The following FUT8 variants were observed in gnomAD, a reference collection of about 807,000 sequenced individuals.
FUT8 encodes the protein alpha-(1,6)-fucosyltransferase.
A neutral mutation model predicts 71.3 loss-of-function variants in FUT8; 29 were observed. That is an observed-to-expected ratio of 0.41 (90% CI 0.30 to 0.55). The LOEUF (loss-of-function observed/expected upper bound fraction) is 0.55, where lower values mean the gene tolerates loss of function less well. Ranked by LOEUF, FUT8 falls within the 20% of genes least tolerant of loss-of-function variation. The pLI is 0.34. For synonymous variants in FUT8, 254 were observed against 239.3 expected (o/e 1.06, Z -0.57); for missense variants, 544 against 702.1 (o/e 0.77, Z 2.55).
rs1156398128 is a variant in FUT8 at position 65,472,383 on chromosome 14, A to G, written c.-228+16665A>G. ...ACCCCTCCCCACCATGCCCAACAAC[A>G]TCTCCCATTAGGCCCCACCCCCAAC... On this transcript the variant is annotated intron_variant, in intron 2 of 10. Transcript: ENST00000673929. This position sits in a 1 kb window ranked among gnomAD's most constrained non-coding sequence, Gnocchi z 4.4. Among the ~76,000 whole-genome samples, 1 of 151,950 alleles carries G rather than the reference A, an allele frequency of 6.6e-6. No individual in the cohort carries two copies. The highest frequency in any genetic ancestry group is 2.4e-5 in the African/African-American group (1 of 41,342).
intron 7 of FUT8, among the ~76,000 whole-genome samples, chr14:65,693,394 G>A (rs964242364): frequency 6.6e-6 from 1 of 152,198 alleles, no homozygotes; most frequent in Non-Finnish European, 1.5e-5. Context: ...GCAATCGCAG[G>A]CACTCGGCAG....
chr14:65,551,116 A>G (rs564290406), intron 2 of FUT8, among the ~76,000 whole-genome samples: 1 of 150,536 alleles, frequency 6.6e-6, no homozygotes, highest in South Asian at 2.2e-4. Flanking sequence ...TTAAAAGGCA[A>G]CCCTCCTTTG....
the FUT8 span, among the ~76,000 whole-genome samples, chr14:65,374,592 GTTTTTTTTGTTT>G: frequency 6.7e-6 from 1 of 148,948 alleles, no homozygotes; most frequent in Non-Finnish European, 1.5e-5. Context: ...ACGGTGAGTT[GTTTTTTTTGTTT>G]TTTTTTTTTT....
At chr14:65,541,416 C>A (rs1884671744) in intron 2 of FUT8, among the ~76,000 whole-genome samples, 1 of 152,262 alleles carries the variant, frequency 6.6e-6, no homozygotes, top group South Asian at 2.1e-4. Flanking sequence ...ACCAGGGGAA[C>A]CCAAGGTCTA....
chr14:65,378,453 TCTA>T, the FUT8 span, among the ~76,000 whole-genome samples: 1 of 152,146 alleles, frequency 6.6e-6, no homozygotes, highest in Admixed American at 6.6e-5. Flanking sequence ...TTGTTTTGTA[TCTA>T]CCTGCCCAGG....
chr14:65,427,577 T>A (rs184994242), intron 1 of FUT8, among the ~76,000 whole-genome samples: 16 of 152,362 alleles, frequency 1.1e-4, no homozygotes, highest in Admixed American at 2.6e-4. Flanking sequence ...TGTCTTCTTT[T>A]GAGAAATGTC....
chr14:65,646,811 T>C (rs1356950244), intron 6 of FUT8, among the ~76,000 whole-genome samples: 1 of 152,176 alleles, frequency 6.6e-6, no homozygotes, highest in Non-Finnish European at 1.5e-5. Flanking sequence ...TGATAAGTCA[T>C]AAATGCATAC....
At chr14:65,649,263 C>G (rs1256203955) in intron 6 of FUT8, among the ~76,000 whole-genome samples, 2 of 152,172 alleles carry the variant, frequency 1.3e-5, no homozygotes, top group Non-Finnish European at 2.9e-5. Flanking sequence ...ATTTCTCTTT[C>G]TCAGATCTAC....
At chr14:65,675,264 G>A (rs1014435131) in intron 7 of FUT8, among the ~76,000 whole-genome samples, 5 of 152,096 alleles carry the variant, frequency 3.3e-5, no homozygotes, top group African/African-American at 9.7e-5. Flanking sequence ...ATTTATTTTC[G>A]TGTTTATCCT....
At chr14:65,721,037 A>T (rs1342127360) in intron 7 of FUT8, among the ~76,000 whole-genome samples, 1 of 152,106 alleles carries the variant, frequency 6.6e-6, no homozygotes, top group East Asian at 1.9e-4. Context: ...GTAGTAGACA[A>T]TCGAAAACTG....
rs372430087 is a variant in FUT8 at position 65,733,385 on chromosome 14, A to G, written c.1410+4A>G. ...AGTGTGTACTTTTTCATCCCAGGTA[A>G]GTGTCAGTAGGGCATTTTAAAATAA... On this transcript the variant is annotated splice_donor_region_variant and intron_variant, in intron 10 of 10. Transcript: ENST00000673929. The G allele has an allele frequency of 6.4e-7, 1 of 1,574,378 alleles. No homozygotes were observed. The highest frequency in any genetic ancestry group is 1.4e-5 in the African/African-American group (1 of 73,210).
intron 10 of FUT8, 113 bp from the exon 11 acceptor site, chr14:65,741,980 C>T (rs1896525719): frequency 1.3e-6 from 1 of 753,362 alleles, no homozygotes; most frequent in African/African-American, 1.8e-5. Context: ...GACTAGAATC[C>T]ACTACTTTTC....
intron 6 of FUT8, among the ~76,000 whole-genome samples, chr14:65,644,302 T>A (rs1043560015): frequency 6.8e-6 from 1 of 147,710 alleles, no homozygotes; most frequent in Non-Finnish European, 1.5e-5. Context: ...TATATATTTT[T>A]TTTTTTGAGA....
At chr14:65,705,231 C>T (rs1294497189) in intron 7 of FUT8, among the ~76,000 whole-genome samples, 2 of 152,136 alleles carry the variant, frequency 1.3e-5, no homozygotes, top group African/African-American at 4.8e-5. Context: ...GAAGAGATCT[C>T]TACAGGCCAC....
At chr14:65,439,983 T>C (rs994799054) in intron 1 of FUT8, among the ~76,000 whole-genome samples, 1 of 138,662 alleles carries the variant, frequency 7.2e-6, no homozygotes, top group Non-Finnish European at 1.6e-5. Context: ...TATATATATA[T>C]ATATATATGT....
intron 6 of FUT8, among the ~76,000 whole-genome samples, chr14:65,641,936 C>CG (rs57312649): frequency 0.099 from 15,065 of 151,818 alleles, 995 homozygotes; most frequent in East Asian, 0.38. Flanking sequence ...AGTCCTTTGT[C>CG]TGATGTGTGT....
chr14:65,486,579 G>A (rs2066412035), intron 2 of FUT8, among the ~76,000 whole-genome samples: 1 of 152,208 alleles, frequency 6.6e-6, no homozygotes, highest in Non-Finnish European at 1.5e-5. Context: ...AAGATAGAGG[G>A]GGCTCAGAAG....
chr14:65,467,360 C>T lies in FUT8; in HGVS notation c.-228+11642C>T, dbSNP rs181019671. ...TTACTCAGGCTGGAGTGCAGTGGCA[C>T]GATCTTGGCTCACTGCAACCACTGC... On this transcript the variant is annotated intron_variant, in intron 2 of 10. Coordinates refer to ENST00000673929, the MANE Select transcript of FUT8 (RefSeq NM_001371533.1). This position sits in a 1 kb window ranked among gnomAD's most constrained non-coding sequence, Gnocchi z 4.1. Among the ~76,000 whole-genome samples the T allele has an allele frequency of 8.6e-5, 13 of 151,920 alleles. No homozygotes were observed. The highest frequency in any genetic ancestry group is 4.6e-4 in the Admixed American group (7 of 15,242).
intron 2 of FUT8, among the ~76,000 whole-genome samples, chr14:65,502,656 ATAAT>A (rs1380553188): frequency 6.6e-6 from 1 of 152,234 alleles, no homozygotes; most frequent in Non-Finnish European, 1.5e-5. Flanking sequence ...TGTAAAATAA[ATAAT>A]GGTAAAAGTA....
Sources: gnomAD v4.1 joint callset for allele counts (sites outside exome capture counted in the v4.1 genomes callset) on GRCh38, gnomAD v4.1.1 for gene constraint, Gnocchi (gnomAD v3.1) non-coding constraint, MANE v1.5 for transcripts, NCBI Gene and HGNC (gene_info 2026-07-23, HGNC 2026-07-21) for gene names.